Variants in HTR2A observed in about 807,000 individuals in gnomAD.
HTR2A encodes 5-hydroxytryptamine receptor 2A.
Under a neutral mutation model 31.0 loss-of-function variants are expected in HTR2A, and 14 were observed. That is an observed-to-expected ratio of 0.45 (90% CI 0.30 to 0.71). The LOEUF is 0.71. Ranked by LOEUF, HTR2A falls within the 30% of genes least tolerant of loss-of-function variation. The pLI is 0.09. For synonymous variants in HTR2A, 209 were observed against 225.2 expected (o/e 0.93, Z 0.64); for missense variants, 442 against 573.3 (o/e 0.77, Z 2.34).
At chr13:46,846,692 GTACACAT>G (rs1432914296) in intron 3 of HTR2A, among the ~76,000 whole-genome samples, 1 of 152,172 alleles carries the variant, frequency 6.6e-6, no homozygotes. Flanking sequence ...TGCCTTAAAA[GTACACAT>G]TGGGATTCAC....
In HTR2A at chr13:46,850,532, C is replaced by T. The variant is rs1057288185; in HGVS notation, c.614-14893G>A. ...ATGCTCTGTAGCCTCAGCACACTTTCGCCATCAGGTATGCAGGCTTGGGGA... is the reference window on the plus strand; with the variant it reads ...ATGCTCTGTAGCCTCAGCACACTTTTGCCATCAGGTATGCAGGCTTGGGGA... On this transcript the variant is annotated intron_variant, in intron 3 of 3. Transcript: ENST00000542664. 6.0e-4 allele frequency among the ~76,000 whole-genome samples: 91 copies of T among 152,192 alleles called. 2 individuals carry two copies. Among genetic ancestry groups the T allele is most frequent in the Admixed American group, 5.9e-3 (90 of 15,280 alleles).
At position 46,835,432 on chromosome 13, in the gene HTR2A, G is replaced by A. The variant is rs751532511; in HGVS notation, c.821C>T (p.Thr274Ile). The A allele has an allele frequency of 1.6e-5, 26 of 1,613,984 alleles. No individual in the cohort carries two copies. Among genetic ancestry groups the A allele is most frequent in the Non-Finnish European group, 6.8e-6 (8 of 1,179,994 alleles). ...GCTGAAAGAAGCTAATTTGGCCCGTGTGCCAAGATCACTTACACACAAAGT... is the reference window on the plus strand; with the variant it reads ...GCTGAAAGAAGCTAATTTGGCCCGTATGCCAAGATCACTTACACACAAAGT... ...EATLCVSDLG[T>I]RAKLASFSFL... The change falls in exon 4 of 4, where the codon ACA becomes ATA. Residue 274 changes from threonine (T) to isoleucine (I), a missense_variant. By Grantham distance (89) the Thr-to-Ile change is moderately conservative. Coordinates refer to ENST00000542664, the MANE Select transcript of HTR2A (RefSeq NM_000621.5).
intron 3 of HTR2A, among the ~76,000 whole-genome samples, chr13:46,866,370 C>T (rs1004226855): frequency 1.5e-4 from 23 of 152,104 alleles, no homozygotes; most frequent in Admixed American, 1.3e-3. Flanking sequence ...GTCTGTCAGC[C>T]ACTCTGCAGA....
intron 3 of HTR2A, among the ~76,000 whole-genome samples, chr13:46,854,635 T>C (rs1348118109): frequency 6.6e-6 from 1 of 152,162 alleles, no homozygotes; most frequent in African/African-American, 2.4e-5. Context: ...ATCAGTTCTT[T>C]TGAGGCTGAA....
chr13:46,852,874 A>G (rs1201252942), intron 3 of HTR2A, among the ~76,000 whole-genome samples: 2 of 152,202 alleles, frequency 1.3e-5, no homozygotes, highest in African/African-American at 4.8e-5. Flanking sequence ...TGAACACCTT[A>G]GTTCTACAGT....
At chr13:46,844,611 C>G (rs1950625502) in intron 3 of HTR2A, among the ~76,000 whole-genome samples, 1 of 152,186 alleles carries the variant, frequency 6.6e-6, no homozygotes, top group Non-Finnish European at 1.5e-5. Flanking sequence ...CCTGTCTGTT[C>G]TGACTCATAT....
chr13:46,897,506 C>G (rs1361856204), upstream of HTR2A, among the ~76,000 whole-genome samples: 1 of 152,182 alleles, frequency 6.6e-6, no homozygotes, highest in Non-Finnish European at 1.5e-5. Context: ...TTATTTTCTT[C>G]AGCAGAAATA....
chr13:46,873,497 G>C (rs1232492339), intron 3 of HTR2A, among the ~76,000 whole-genome samples: 1 of 150,090 alleles, frequency 6.7e-6, no homozygotes, highest in Non-Finnish European at 1.5e-5. Context: ...TGCACAATGT[G>C]CCGGTTAGTT....
chr13:46,881,530 CT>C lies in HTR2A; in HGVS notation c.613+10859del, dbSNP rs764904803. 2.0e-5 allele frequency among the ~76,000 whole-genome samples: 3 copies of C among 152,146 alleles called. No individual in the cohort carries two copies. The South Asian group carries it at 6.2e-4, about 32-fold the overall frequency. The stretch of plus-strand genomic sequence containing the variant: ...ATGGAGGCAATTTCACTTCTTCCCC[CT>C]AGGAGAGAAAGTGAAAAGATAGAGA... On this transcript the variant is annotated intron_variant, in intron 3 of 3. Coordinates refer to ENST00000542664, the MANE Select transcript of HTR2A (RefSeq NM_000621.5).
At chr13:46,892,863 C>T (rs1270886255) in intron 2 of HTR2A, among the ~76,000 whole-genome samples, 1 of 152,158 alleles carries the variant, frequency 6.6e-6, no homozygotes, top group African/African-American at 2.4e-5. Flanking sequence ...TTTGGGGGTT[C>T]TCTTTCTTCC....
rs1951060763 is a variant in HTR2A at position 46,892,379 on chromosome 13, T to C, written c.613+11A>G. ...ATTTCAAATGAGACTCTGAAATATGTTGCCACTTACCTACTGATATGGTCC... is the reference window on the plus strand; with the variant it reads ...ATTTCAAATGAGACTCTGAAATATGCTGCCACTTACCTACTGATATGGTCC... On this transcript the variant is annotated intron_variant, in intron 3 of 3. Coordinates refer to ENST00000542664, the MANE Select transcript of HTR2A (RefSeq NM_000621.5). 6.2e-7 allele frequency: 1 copy of C among 1,611,324 alleles called. No homozygotes were observed.
In HTR2A at chr13:46,895,660, C is replaced by T. The variant is rs539430264; in HGVS notation, c.247G>A (p.Val83Ile). Reference protein sequence around the residue: ...EKNWSALLTAVVIILTIAGNI... With the variant: ...EKNWSALLTAIVIILTIAGNI... ...CCAGCAATAGTTAGAATAATCACTACGGCTGTCAGTAAAGCAGACCAGTTT... is the reference window on the plus strand; with the variant it reads ...CCAGCAATAGTTAGAATAATCACTATGGCTGTCAGTAAAGCAGACCAGTTT... Residue 83 changes from valine (V) to isoleucine (I), a missense_variant, in exon 2 of 4, where the codon GTA (valine) becomes ATA (isoleucine). Val to Ile is a conservative substitution (Grantham distance 29, BLOSUM62 3). Coordinates refer to ENST00000542664, the MANE Select transcript of HTR2A (RefSeq NM_000621.5). The surrounding 1 kb of genome is among the most constrained non-coding windows in gnomAD (Gnocchi z 4.4). The T allele has an allele frequency of 2.0e-5, 33 of 1,614,102 alleles. No individual in the cohort carries two copies. The highest frequency in any genetic ancestry group is 6.6e-5 in the South Asian group (6 of 91,078).
chr13:46,845,111 A>T (rs1000733294), intron 3 of HTR2A, among the ~76,000 whole-genome samples: 1 of 152,178 alleles, frequency 6.6e-6, no homozygotes, highest in African/African-American at 2.4e-5. Context: ...GTTCAATATA[A>T]TCATGATGTC....
intron 3 of HTR2A, among the ~76,000 whole-genome samples, chr13:46,874,776 T>C (rs1593439352): frequency 6.6e-6 from 1 of 152,320 alleles, no homozygotes; most frequent in East Asian, 1.9e-4. Context: ...GGAAATGTGT[T>C]GGAGAGTTAG....
At chr13:46,893,626 C>G (rs1951073024) in intron 2 of HTR2A, among the ~76,000 whole-genome samples, 1 of 152,170 alleles carries the variant, frequency 6.6e-6, no homozygotes, top group Non-Finnish European at 1.5e-5. Context: ...CAGACAATTC[C>G]AATGTAAGAG....
chr13:46,867,778 C>T (rs569672653), intron 3 of HTR2A, among the ~76,000 whole-genome samples: 9 of 152,160 alleles, frequency 5.9e-5, no homozygotes, highest in African/African-American at 1.9e-4. Context: ...AAGAAAGTGG[C>T]GATACTCTGG....
intron 3 of HTR2A, among the ~76,000 whole-genome samples, chr13:46,887,283 T>G (rs1421522846): frequency 6.7e-6 from 1 of 150,136 alleles, no homozygotes; most frequent in East Asian, 2.0e-4. Context: ...TTTAGCCGGG[T>G]GTGGTGGCGG....
Position 46,844,167 on chromosome 13 carries a change from A to G in HTR2A, c.614-8528T>C, listed in dbSNP as rs753095858. Among the ~76,000 whole-genome samples the G allele has an allele frequency of 1.3e-4, 20 of 152,306 alleles. No individual in the cohort carries two copies. In the East Asian group the frequency reaches 1.5e-3, roughly 12 times the overall value. On this transcript the variant is annotated intron_variant, in intron 3 of 3. Coordinates refer to ENST00000542664, the MANE Select transcript of HTR2A (RefSeq NM_000621.5). Reference sequence around the variant, plus strand: ...GATGACAATCTCATTAATAGCAGGGATATCTTTTTCTTTGTGTATTGTAAG... The same window carrying G: ...GATGACAATCTCATTAATAGCAGGGGTATCTTTTTCTTTGTGTATTGTAAG...
At chr13:46,887,014 G>T (rs974351535) in intron 3 of HTR2A, among the ~76,000 whole-genome samples, 1 of 152,110 alleles carries the variant, frequency 6.6e-6, no homozygotes, top group African/African-American at 2.4e-5. Flanking sequence ...GGATTAAGGG[G>T]AACTGTGCTT....
Sources: allele counts gnomAD v4.1 joint callset (sites outside exome capture counted in the v4.1 genomes callset), GRCh38; gene constraint gnomAD v4.1.1; non-coding constraint Gnocchi (gnomAD v3.1); transcripts MANE v1.5; gene names NCBI Gene and HGNC (gene_info 2026-07-23, HGNC 2026-07-21).